The following RANBP17 variants were observed in gnomAD, a reference collection of about 807,000 sequenced individuals.
The protein encoded by RANBP17 is RAN binding protein 17, also known as ran-binding protein 17.
RANBP17 carries 158 observed loss-of-function variants against 141.2 expected under a neutral mutation model. The ratio of observed to expected loss-of-function variants is 1.12; its 90% CI spans 0.98 to 1.28. RANBP17 has a LOEUF of 1.28. Ranked by LOEUF, RANBP17 falls within the 50% of genes most tolerant of loss-of-function variation. The probability of loss-of-function intolerance (pLI) is 0.00; values close to 1 mark genes in which losing one functional copy is unlikely to be tolerated. For synonymous variants in RANBP17, 430 were observed against 450.0 expected, an observed-to-expected ratio of 0.96 and a Z score of 0.56; for missense variants, 1,438 against 1,290.7, an observed-to-expected ratio of 1.11 and a Z score of -1.75.
intron 1 of RANBP17, among the ~76,000 whole-genome samples, chr5:170,871,660 A>T (rs1767736203): frequency 6.6e-6 from 1 of 151,792 alleles, no homozygotes; most frequent in Admixed American, 6.6e-5. Flanking sequence ...TTGGGTTTTG[A>T]TTAAGTCTTT....
chr5:171,199,316 A>G (rs1183182749), intron 18 of RANBP17, among the ~76,000 whole-genome samples: 2 of 152,180 alleles, frequency 1.3e-5, no homozygotes, highest in African/African-American at 4.8e-5. Context: ...GGGGAAAAAA[A>G]AAACACTGCG....
At chr5:171,265,185 T>C (rs1208061735) in intron 24 of RANBP17, among the ~76,000 whole-genome samples, 1 of 152,242 alleles carries the variant, frequency 6.6e-6, no homozygotes, top group East Asian at 1.9e-4. Flanking sequence ...GAATTATTTA[T>C]TTATGTGTCT....
At chr5:171,275,513 A>C (rs777611142) in intron 25 of RANBP17, among the ~76,000 whole-genome samples, 3 of 152,194 alleles carry the variant, frequency 2.0e-5, no homozygotes, top group Non-Finnish European at 4.4e-5. Flanking sequence ...CATTTCGGAG[A>C]ATGAAAAATT....
intron 14 of RANBP17, among the ~76,000 whole-genome samples, chr5:171,021,965 T>G (rs1452578094): frequency 6.6e-6 from 1 of 152,068 alleles, no homozygotes; most frequent in Non-Finnish European, 1.5e-5. Flanking sequence ...GTGGACTTTT[T>G]TGTTGTTGTT....
chr5:171,201,817 G>C (rs536218923), intron 19 of RANBP17, among the ~76,000 whole-genome samples: 8 of 152,146 alleles, frequency 5.3e-5, no homozygotes, highest in Admixed American at 3.9e-4. Flanking sequence ...TTAGGTTAAG[G>C]CTATTTTTCT....
chr5:171,101,352 T>C (rs1561655561), intron 14 of RANBP17, among the ~76,000 whole-genome samples: 2 of 152,222 alleles, frequency 1.3e-5, no homozygotes, highest in African/African-American at 4.8e-5. Flanking sequence ...TATTATGTGA[T>C]GCACTTCTTT....
intron 14 of RANBP17, among the ~76,000 whole-genome samples, chr5:171,015,615 C>A (rs1161465988): frequency 1.3e-5 from 2 of 151,998 alleles, no homozygotes; most frequent in Non-Finnish European, 2.9e-5. Context: ...CTTCTCTTTG[C>A]ATGCCTAGTA....
At chr5:171,135,523 GTAGTCAATTCCTAAATACGCTTTCT>G (rs1757216074) in intron 14 of RANBP17, among the ~76,000 whole-genome samples, 1 of 151,974 alleles carries the variant, frequency 6.6e-6, no homozygotes. Context: ...GTATTCCTGC[GTAGTCAATTCCTAAATACGCTTTCT>G]TAAGATAGCA....
chr5:170,914,307 C>G (rs990873350), intron 8 of RANBP17, 67 bp downstream of exon 8: 3 of 996,594 alleles, frequency 3.0e-6, no homozygotes, highest in Non-Finnish European at 4.5e-6. Context: ...TATATATTTA[C>G]TTCAAAAATT....
intron 14 of RANBP17, among the ~76,000 whole-genome samples, chr5:171,164,838 C>G (rs1487574071): frequency 2.0e-5 from 3 of 152,070 alleles, no homozygotes; most frequent in African/African-American, 7.2e-5. Flanking sequence ...TCCTTTATGC[C>G]TTTAACAAAT....
chr5:170,892,766 C>T (rs879511805), intron 4 of RANBP17, among the ~76,000 whole-genome samples: 3 of 152,116 alleles, frequency 2.0e-5, no homozygotes, highest in East Asian at 1.9e-4. Flanking sequence ...TGTAAATAAT[C>T]ATGTTTTCTA....
At chr5:170,865,111 G>C (rs373548881) in intron 1 of RANBP17, among the ~76,000 whole-genome samples, 2 of 152,116 alleles carry the variant, frequency 1.3e-5, no homozygotes, top group Non-Finnish European at 2.9e-5. Context: ...CGCCCAGGCT[G>C]GAGTGCAGTG....
At chr5:171,185,963 C>CT (rs372864881) in intron 18 of RANBP17, among the ~76,000 whole-genome samples, 253 of 152,312 alleles carry the variant, frequency 1.7e-3, no homozygotes, top group African/African-American at 5.7e-3. Context: ...CAACAGTGGG[C>CT]TTAAAATTTT....
At chr5:171,246,106 C>T (rs1294361401) in intron 24 of RANBP17, among the ~76,000 whole-genome samples, 1 of 152,146 alleles carries the variant, frequency 6.6e-6, no homozygotes, top group South Asian at 2.1e-4. Context: ...GTCTCAAACT[C>T]CTGACCTCAA....
intron 27 of RANBP17, among the ~76,000 whole-genome samples, chr5:171,298,401 T>G (rs961359838): frequency 6.6e-6 from 1 of 152,238 alleles, no homozygotes; most frequent in Non-Finnish European, 1.5e-5. Flanking sequence ...ATCAGTAAAC[T>G]CAATCCAATG....
chr5:171,071,734 C>A lies in RANBP17; in HGVS notation c.1711-98396C>A, dbSNP rs1784647164. On this transcript the variant is annotated intron_variant, in intron 14 of 27. Coordinates refer to ENST00000523189, the MANE Select transcript of RANBP17 (RefSeq NM_022897.5). ...GTACAAAAATTAACTCAGAATGCATCATAGAACTAAAATGTATAACATAAA... is the reference window on the plus strand; with the variant it reads ...GTACAAAAATTAACTCAGAATGCATAATAGAACTAAAATGTATAACATAAA... 2.7e-5 allele frequency among the ~76,000 whole-genome samples: 4 copies of A among 146,748 alleles called. No individual in the cohort carries two copies. The South Asian group carries it at 8.8e-4, about 32-fold the overall frequency.
At chr5:171,166,079 T>A (rs1759671734) in intron 14 of RANBP17, among the ~76,000 whole-genome samples, 1 of 152,068 alleles carries the variant, frequency 6.6e-6, no homozygotes, top group Non-Finnish European at 1.5e-5. Flanking sequence ...CATTATTGAG[T>A]AGTAGGCACG....
intron 14 of RANBP17, among the ~76,000 whole-genome samples, chr5:171,128,727 A>G (rs908258291): frequency 4.6e-5 from 7 of 152,196 alleles, no homozygotes; most frequent in African/African-American, 1.7e-4. Flanking sequence ...TCTTGATTTT[A>G]TCATTACACA....
chr5:171,013,117 A>G (rs1287218511), intron 14 of RANBP17, among the ~76,000 whole-genome samples: 2 of 152,210 alleles, frequency 1.3e-5, no homozygotes, highest in African/African-American at 4.8e-5. Flanking sequence ...ACACTGCTGC[A>G]ATAATACTGA....
Sources: allele counts gnomAD v4.1 joint callset (sites outside exome capture counted in the v4.1 genomes callset), GRCh38; gene constraint gnomAD v4.1.1; transcripts MANE v1.5; gene names NCBI Gene and HGNC (gene_info 2026-07-23, HGNC 2026-07-21).